PHACTR3: variants seen among roughly 807,000 people sequenced by gnomAD.
PHACTR3 encodes the protein protein phosphatase 1, regulatory subunit 123.
In PHACTR3, 16 loss-of-function variants were observed where a neutral mutation model predicts 66.8. That is an observed-to-expected ratio of 0.24 (90% CI 0.16 to 0.36). The LOEUF is 0.36. PHACTR3 is among the 10% of genes least tolerant of loss of function. PHACTR3 has a pLI of 1.00. For synonymous variants in PHACTR3, 323 were observed against 292.1 expected, an observed-to-expected ratio of 1.11 and a Z score of -1.08; for missense variants, 647 against 719.9, an observed-to-expected ratio of 0.90 and a Z score of 1.16.
intron 8 of PHACTR3, among the ~76,000 whole-genome samples, chr20:59,823,445 C>T (rs889686277): frequency 2.6e-5 from 4 of 152,196 alleles, no homozygotes; most frequent in Non-Finnish European, 5.9e-5. Context: ...CTCAAAAAGC[C>T]ATTTGAAAGA....
intron 8 of PHACTR3, among the ~76,000 whole-genome samples, chr20:59,808,534 C>T (rs2041637089): frequency 1.3e-5 from 2 of 152,224 alleles, no homozygotes; most frequent in South Asian, 4.1e-4. Flanking sequence ...CTAGTCCGCT[C>T]CTTCCCTCTT....
At chr20:59,640,247 C>T (rs2035056161) in intron 1 of PHACTR3, among the ~76,000 whole-genome samples, 2 of 152,220 alleles carry the variant, frequency 1.3e-5, no homozygotes, top group Admixed American at 6.5e-5. Context: ...GGACTCAGGA[C>T]ATGTCAACTC....
chr20:59,766,275 C>T (rs1038313127), intron 4 of PHACTR3, among the ~76,000 whole-genome samples: 1 of 152,200 alleles, frequency 6.6e-6, no homozygotes, highest in African/African-American at 2.4e-5. Context: ...AGTGACAGTT[C>T]TTCCTGAAGT....
At chr20:59,690,072 A>G (rs1431282628) in intron 1 of PHACTR3, among the ~76,000 whole-genome samples, 2 of 152,158 alleles carry the variant, frequency 1.3e-5, no homozygotes, top group Non-Finnish European at 2.9e-5. Flanking sequence ...CACATCTTTC[A>G]GTGGTTGCTC....
Position 59,670,595 on chromosome 20 carries a change from C to T in PHACTR3, c.118+65463C>T, listed in dbSNP as rs577598501. Among the ~76,000 whole-genome samples the T allele has an allele frequency of 1.2e-4, 7 of 57,146 alleles. No individual in the cohort carries two copies. In the Admixed American group the frequency reaches 1.3e-3, roughly 11 times the overall value. 37.5% of individuals were successfully genotyped at this position (57,146 alleles called of 152,430 possible). ...CTGGAGGGTAAATGAGGACAGGCATCTGCCGGGGGTGGGGGGGGGGGGCAG... is the reference window on the plus strand; with the variant it reads ...CTGGAGGGTAAATGAGGACAGGCATTTGCCGGGGGTGGGGGGGGGGGGCAG... On this transcript the variant is annotated intron_variant, in intron 1 of 12. Transcript: ENST00000371015.
At chr20:59,785,769 G>A (rs559748559) in intron 7 of PHACTR3, among the ~76,000 whole-genome samples, 2 of 152,334 alleles carry the variant, frequency 1.3e-5, no homozygotes, top group African/African-American at 4.8e-5. Flanking sequence ...TGTCCAGTGG[G>A]TGTGTCCCTG....
chr20:59,583,772 G>T (rs953311533), intron 1 of PHACTR3, among the ~76,000 whole-genome samples: 1 of 152,206 alleles, frequency 6.6e-6, no homozygotes, highest in African/African-American at 2.4e-5. Flanking sequence ...TCTGGCCCAG[G>T]GTTTGCGTTG....
At chr20:59,688,440 A>C (rs991550922) in intron 1 of PHACTR3, among the ~76,000 whole-genome samples, 1 of 152,234 alleles carries the variant, frequency 6.6e-6, no homozygotes, top group East Asian at 1.9e-4. Flanking sequence ...GGGAAACCAC[A>C]GGACTATATT....
intron 1 of PHACTR3, among the ~76,000 whole-genome samples, chr20:59,713,136 G>A (rs11699701): frequency 0.051 from 7,763 of 152,270 alleles, 258 homozygotes; most frequent in Non-Finnish European, 0.079. Flanking sequence ...CAGCTCTCCT[G>A]GGTGCCTGTT....
At chr20:59,710,696 C>A (rs1275365625) in intron 1 of PHACTR3, among the ~76,000 whole-genome samples, 1 of 152,090 alleles carries the variant, frequency 6.6e-6, no homozygotes, top group African/African-American at 2.4e-5. Context: ...TCCTCATTAA[C>A]CTTTACCTTG....
intron 8 of PHACTR3, among the ~76,000 whole-genome samples, chr20:59,835,459 G>C (rs1023274565): frequency 3.3e-5 from 5 of 152,126 alleles, no homozygotes; most frequent in Non-Finnish European, 5.9e-5. Context: ...ATTATAAATA[G>C]GAGATAAATA....
chr20:59,690,570 C>T (rs928682487), intron 1 of PHACTR3, among the ~76,000 whole-genome samples: 1 of 152,148 alleles, frequency 6.6e-6, no homozygotes, highest in South Asian at 2.1e-4. Flanking sequence ...AGGAGACCTT[C>T]ATTTGGTGGG....
intron 8 of PHACTR3, among the ~76,000 whole-genome samples, chr20:59,809,183 G>A (rs1327163424): frequency 6.6e-6 from 1 of 152,132 alleles, no homozygotes; most frequent in African/African-American, 2.4e-5. Context: ...TGTTTTCACG[G>A]TGGAGGGCCG....
Position 59,604,877 on chromosome 20 carries a change from C to CTTG in PHACTR3, c.-136_-135insGTT. 20 of 977,906 alleles carry CTTG rather than the reference C, an allele frequency of 2.0e-5. No individual in the cohort carries two copies. The highest frequency in any genetic ancestry group is 1.6e-4 in the East Asian group (2 of 12,206). The allele number at this position is 977,906 out of a possible 1,614,324, so 60.6% of individuals were successfully genotyped here. A position where few individuals can be genotyped will look rare whatever the true frequency, so the allele number is the denominator to read the frequency against. ...TCTCCAGCTCGTTTCCTTTCCCGGCCTTTTTTTTTTTTTTTTTTTTTTAAT... is the reference window on the plus strand; with the variant it reads ...TCTCCAGCTCGTTTCCTTTCCCGGCCTTGTTTTTTTTTTTTTTTTTTTTTTAAT... On this transcript the variant is annotated 5_prime_UTR_variant, in exon 1 of 13. Coordinates refer to ENST00000371015, the MANE Select transcript of PHACTR3 (RefSeq NM_080672.5).
At chr20:59,622,867 A>AGTGTCTG (rs2034293797) in intron 1 of PHACTR3, among the ~76,000 whole-genome samples, 1 of 150,992 alleles carries the variant, frequency 6.6e-6, no homozygotes, top group Admixed American at 6.6e-5. Context: ...TGCTATCCAG[A>AGTGTCTG]GTGTCTGGGC....
chr20:59,657,301 G>A (rs949784568), intron 1 of PHACTR3, among the ~76,000 whole-genome samples: 1 of 151,452 alleles, frequency 6.6e-6, no homozygotes, highest in Non-Finnish European at 1.5e-5. Flanking sequence ...GTTATTTTAT[G>A]CAATTGTTTA....
intron 2 of PHACTR3, 110 bp from the exon 3 acceptor site, chr20:59,747,648 T>A: frequency 7.8e-7 from 1 of 1,281,508 alleles, no homozygotes; most frequent in Non-Finnish European, 1.1e-6. Context: ...AGGCGCCTGC[T>A]AGCTCAGTGT....
rs1322940551 is a variant in PHACTR3, at chr20:59,736,460, G to A, written c.119-6647G>A. On this transcript the variant is annotated intron_variant, in intron 1 of 12. Transcript: ENST00000371015. This position sits in a 1 kb window ranked among gnomAD's most constrained non-coding sequence, Gnocchi z 4.6. The stretch of plus-strand genomic sequence containing the variant: ...CATGGGCCACATGCACCCGCCCACA[G>A]ATGGCATCCCACCCATGCAGGTGCA... Among the ~76,000 whole-genome samples, 1 of 152,088 alleles carries A rather than the reference G, an allele frequency of 6.6e-6. No homozygotes were observed. Among genetic ancestry groups the A allele is most frequent in the Non-Finnish European group, 1.5e-5 (1 of 67,982 alleles).
At chr20:59,617,608 G>C (rs536123792) in intron 1 of PHACTR3, among the ~76,000 whole-genome samples, 43 of 152,214 alleles carry the variant, frequency 2.8e-4, no homozygotes, top group Admixed American at 7.8e-4. Context: ...CTTTAGCAAG[G>C]AGGAGGTGGA....
Sources: allele counts gnomAD v4.1 joint callset (sites outside exome capture counted in the v4.1 genomes callset), GRCh38; gene constraint gnomAD v4.1.1; non-coding constraint Gnocchi (gnomAD v3.1); transcripts MANE v1.5; gene names NCBI Gene and HGNC (gene_info 2026-07-23, HGNC 2026-07-21).